The following SHANK2 variants were observed in gnomAD, a reference collection of about 807,000 sequenced individuals.
SHANK2 encodes the protein SH3 and multiple ankyrin repeat domains 2, also known as SH3 and multiple ankyrin repeat domains protein 2.
Under a neutral mutation model 133.7 loss-of-function variants are expected in SHANK2, and 43 were observed. That is an observed-to-expected ratio of 0.32 (90% confidence interval 0.25 to 0.41). SHANK2 has a LOEUF of 0.41. SHANK2 is among the 10% of genes least tolerant of loss of function. The pLI, the probability that SHANK2 is intolerant of heterozygous loss-of-function variation, is 1.00. For synonymous variants in SHANK2, 1,017 were observed against 952.8 expected (o/e 1.07, Z -1.24); for missense variants, 1,994 against 2,235.8 (o/e 0.89, Z 2.18).
At chr11:70,621,555 G>C (rs1404765446) in intron 17 of SHANK2, among the ~76,000 whole-genome samples, 1 of 152,230 alleles carries the variant, frequency 6.6e-6, no homozygotes, top group Admixed American at 6.5e-5. Context: ...AATACGGGTG[G>C]ACTGGGTGGA....
At chr11:70,609,885 GAC>G (rs1291442040) in intron 17 of SHANK2, among the ~76,000 whole-genome samples, 2 of 20,920 alleles carry the variant, frequency 9.6e-5, no homozygotes, top group Non-Finnish European at 2.3e-4. Context: ...AAAGGAATGA[GAC>G]ACAGATCCAC....
At chr11:70,586,288 T>C (rs1261281237) in intron 17 of SHANK2, among the ~76,000 whole-genome samples, 1 of 151,938 alleles carries the variant, frequency 6.6e-6, no homozygotes, top group Non-Finnish European at 1.5e-5. Flanking sequence ...ATCAGGAAGA[T>C]GGGAATGGGG....
chr11:71,161,754 C>T (rs1257217322), intron 2 of SHANK2, among the ~76,000 whole-genome samples: 1 of 152,210 alleles, frequency 6.6e-6, no homozygotes, highest in Non-Finnish European at 1.5e-5. Context: ...ACTTCTACCC[C>T]CTAAAATGTA....
chr11:70,917,403 T>C (rs1950285456), intron 10 of SHANK2, among the ~76,000 whole-genome samples: 1 of 152,202 alleles, frequency 6.6e-6, no homozygotes, highest in African/African-American at 2.4e-5. Flanking sequence ...TTTACACCGT[T>C]GGTGGGAGTG....
At chr11:71,201,523 C>T (rs1001454351) in intron 2 of SHANK2, among the ~76,000 whole-genome samples, 6 of 152,224 alleles carry the variant, frequency 3.9e-5, no homozygotes, top group Non-Finnish European at 7.3e-5. Flanking sequence ...TCACTGATGG[C>T]GGTCACCTGC....
chr11:70,954,047 C>T (rs1158814604), intron 10 of SHANK2, among the ~76,000 whole-genome samples: 2 of 152,198 alleles, frequency 1.3e-5, no homozygotes, highest in South Asian at 2.1e-4. Context: ...AATTGCAATG[C>T]AGACAGCAGC....
chr11:71,232,711 GTTAT>G (rs1954764446), intron 1 of SHANK2, among the ~76,000 whole-genome samples: 1 of 152,046 alleles, frequency 6.6e-6, no homozygotes, highest in African/African-American at 2.4e-5. Context: ...TTAAGATAAG[GTTAT>G]TTGTTTGTAT....
intron 1 of SHANK2, among the ~76,000 whole-genome samples, chr11:71,236,205 G>A (rs1452615890): frequency 4.6e-5 from 7 of 152,208 alleles, no homozygotes; most frequent in Admixed American, 2.6e-4. Flanking sequence ...GGGGCAGACT[G>A]AAATTAGCTT....
chr11:71,109,862 C>G (rs141916720), intron 6 of SHANK2, 79 bp downstream of exon 6: 1 of 845,534 alleles, frequency 1.2e-6, no homozygotes, highest in Non-Finnish European at 2.0e-6. Flanking sequence ...CAGCGTTATT[C>G]ACAGGTAGCC....
At chr11:71,154,901 C>T (rs1555108768) in intron 2 of SHANK2, among the ~76,000 whole-genome samples, 1 of 112,928 alleles carries the variant, frequency 8.9e-6, no homozygotes, top group African/African-American at 3.6e-5. Context: ...CCCCCGCCCA[C>T]ACTCCCAGAG....
intron 1 of SHANK2, among the ~76,000 whole-genome samples, chr11:71,248,359 G>A (rs150365435): frequency 6.7e-4 from 102 of 152,356 alleles, no homozygotes; most frequent in African/African-American, 2.3e-3. Flanking sequence ...TTCACAGCAC[G>A]GGAACCAGAA....
intron 14 of SHANK2, among the ~76,000 whole-genome samples, chr11:70,775,614 T>C (rs1255929229): frequency 6.6e-6 from 1 of 152,258 alleles, no homozygotes; most frequent in Non-Finnish European, 1.5e-5. Flanking sequence ...CTTGGCTTCC[T>C]GTTCCAGGTC....
chr11:70,804,236 A>C lies in SHANK2; in HGVS notation c.1663+2766T>G, dbSNP rs1948113708. Among the ~76,000 whole-genome samples the C allele has an allele frequency of 6.6e-6, 1 of 152,190 alleles. No individual in the cohort carries two copies. Among genetic ancestry groups the C allele is most frequent in the African/African-American group, 2.4e-5 (1 of 41,466 alleles). On this transcript the variant is annotated intron_variant, in intron 13 of 25. Transcript: ENST00000601538. This position sits in a 1 kb window ranked among gnomAD's most constrained non-coding sequence, Gnocchi z 4.1. ...TTCCTCCAAACGGCCTTGGCTCTGC[A>C]GGCAGTGGATCGGCTCGACCCGCCC... is the stretch of plus-strand genomic sequence containing the variant.
At chr11:70,502,399 G>A (rs575555085) in intron 18 of SHANK2, 113 bp from the exon 19 acceptor site, 111 of 946,872 alleles carry the variant, frequency 1.2e-4, no homozygotes, top group South Asian at 3.4e-4. Context: ...GTTTGGCTGC[G>A]GTGGTCAGGG....
At position 70,805,513 on chromosome 11, in the gene SHANK2, C is replaced by T. The variant is rs568689621; in HGVS notation, c.1663+1489G>A. Among the ~76,000 whole-genome samples, 217 of 152,356 alleles carry T rather than the reference C, an allele frequency of 1.4e-3. 1 individual carries two copies. The highest frequency in any genetic ancestry group is 4.9e-3 in the African/African-American group (203 of 41,592). On this transcript the variant is annotated intron_variant, in intron 13 of 25. Coordinates refer to ENST00000601538, the MANE Select transcript of SHANK2 (RefSeq NM_012309.5). ...TCCCCCACTGCGGGGCCTTAACATC[C>T]TTGTCACCCGACATCTCAGGGCTGG...
chr11:70,538,117 A>C (rs926753344), intron 17 of SHANK2, among the ~76,000 whole-genome samples: 9 of 152,174 alleles, frequency 5.9e-5, no homozygotes, highest in Non-Finnish European at 1.2e-4. Context: ...GGCAGAGACC[A>C]GTGGGGATTC....
intron 10 of SHANK2, among the ~76,000 whole-genome samples, chr11:70,936,010 G>C (rs1250452513): frequency 2.0e-5 from 3 of 152,204 alleles, no homozygotes; most frequent in African/African-American, 7.2e-5. Flanking sequence ...ACCATTCCTG[G>C]AGGCCTGCGG....
In SHANK2 at chr11:70,698,680, C is replaced by T. The variant is rs1365421734; in HGVS notation, c.1853+8G>A. Reference sequence around the variant, plus strand: ...GAGGGTCCTGGAAGAGAAAGCAGCGCGTCTTACCTGGAAGTGTCGAAGCTG... The same window carrying T: ...GAGGGTCCTGGAAGAGAAAGCAGCGTGTCTTACCTGGAAGTGTCGAAGCTG... On this transcript the variant is annotated splice_region_variant and intron_variant, in intron 15 of 25. Coordinates refer to ENST00000601538, the MANE Select transcript of SHANK2 (RefSeq NM_012309.5). The T allele has an allele frequency of 2.2e-5, 16 of 718,494 alleles. No individual in the cohort carries two copies. Among genetic ancestry groups the T allele is most frequent in the Middle Eastern group, 2.3e-4 (1 of 4,394 alleles). 44.5% of individuals were successfully genotyped at this position (718,494 alleles called of 1,614,324 possible). A position where few individuals can be genotyped will look rare whatever the true frequency, so the allele number is the denominator to read the frequency against.
intron 16 of SHANK2, 110 bp from the exon 17 acceptor site, chr11:70,660,062 T>C: frequency 2.8e-6 from 4 of 1,415,628 alleles, no homozygotes; most frequent in Non-Finnish European, 3.9e-6. Flanking sequence ...TCATCTCCCA[T>C]TGCAGGTGGC....
Sources: gnomAD v4.1 joint callset for allele counts (sites outside exome capture counted in the v4.1 genomes callset) on GRCh38, gnomAD v4.1.1 for gene constraint, Gnocchi (gnomAD v3.1) non-coding constraint, MANE v1.5 for transcripts, NCBI Gene and HGNC (gene_info 2026-07-23, HGNC 2026-07-21) for gene names.